Variants in MCTP1 observed in about 807,000 individuals in gnomAD.
The protein encoded by MCTP1 is multiple C2 and transmembrane domain containing 1.
MCTP1 carries 69 observed loss-of-function variants against 120.6 expected under a neutral mutation model. The ratio of observed to expected loss-of-function variants is 0.57; its 90% confidence interval spans 0.47 to 0.70. The LOEUF (loss-of-function observed/expected upper bound fraction) is 0.70, where lower values mean the gene tolerates loss of function less well. Ranked by LOEUF, MCTP1 falls within the 30% of genes least tolerant of loss-of-function variation. The probability of loss-of-function intolerance (pLI) is 0.00; values close to 1 mark genes in which losing one functional copy is unlikely to be tolerated. For synonymous variants in MCTP1, 529 were observed against 493.1 expected (o/e 1.07, Z -0.96); for missense variants, 1,203 against 1,248.8 (o/e 0.96, Z 0.55).
rs143892858 is a variant in MCTP1 at position 95,153,820 on chromosome 5, C to A, written c.720+130036G>T. Among the ~76,000 whole-genome samples the A allele has an allele frequency of 1.8e-3, 279 of 152,240 alleles. 2 individuals are homozygous for A. Among genetic ancestry groups the A allele is most frequent in the African/African-American group, 6.4e-3 (266 of 41,538 alleles). ...CAAGAATGTCTGCAGAATTCTGAAG[C>A]CTCATTAGGAGCAGTCGTTGTTTTT... On this transcript the variant is annotated intron_variant, in intron 1 of 22. Transcript: ENST00000515393.
chr5:94,973,709 C>T (rs1000697693), intron 2 of MCTP1, among the ~76,000 whole-genome samples: 7 of 152,146 alleles, frequency 4.6e-5, no homozygotes, highest in South Asian at 2.1e-4. Context: ...AATAAAATTG[C>T]TTAATGGTGC....
chr5:95,006,521 T>A (rs1834797794), intron 2 of MCTP1, among the ~76,000 whole-genome samples: 1 of 152,194 alleles, frequency 6.6e-6, no homozygotes, highest in South Asian at 2.1e-4. Flanking sequence ...GTGTCTGTAC[T>A]GGGTAAAACA....
intron 11 of MCTP1, 65 bp from the exon 12 acceptor site, chr5:94,889,037 G>T: frequency 9.5e-7 from 1 of 1,050,086 alleles, no homozygotes; most frequent in Non-Finnish European, 1.5e-6. Flanking sequence ...AGTGTGCTGA[G>T]AAAACATTAC....
chr5:94,993,093 T>C (rs1831928700), intron 2 of MCTP1, among the ~76,000 whole-genome samples: 1 of 152,216 alleles, frequency 6.6e-6, no homozygotes, highest in Non-Finnish European at 1.5e-5. Flanking sequence ...CTAGGATTTA[T>C]TTTCAGATAA....
intron 19 of MCTP1, among the ~76,000 whole-genome samples, chr5:94,744,028 T>G (rs748381093): frequency 1.3e-5 from 2 of 152,180 alleles, no homozygotes; most frequent in Non-Finnish European, 2.9e-5. Flanking sequence ...TGGAGTGCAG[T>G]GGCACCATCA....
At chr5:94,718,397 A>G (rs191850118) in intron 19 of MCTP1, among the ~76,000 whole-genome samples, 77 of 152,264 alleles carry the variant, frequency 5.1e-4, no homozygotes, top group African/African-American at 1.8e-3. Flanking sequence ...AACTATAAAA[A>G]CCCTAGAAGA....
intron 1 of MCTP1, among the ~76,000 whole-genome samples, chr5:95,264,644 C>T (rs1334423144): frequency 6.6e-6 from 1 of 152,140 alleles, no homozygotes; most frequent in East Asian, 1.9e-4. Context: ...GATTGAATGC[C>T]CCTCACTTCT....
In MCTP1 at chr5:94,704,188, CA is replaced by C. The variant is rs1754043111; in HGVS notation, c.*3307del. The C allele has an allele frequency of 3.0e-5, 1 of 33,380 alleles. No homozygotes were observed. Among genetic ancestry groups the C allele is most frequent in the Admixed American group, 2.6e-4 (1 of 3,868 alleles). 2.1% of individuals were successfully genotyped at this position (33,380 alleles called of 1,614,324 possible). A position where few individuals can be genotyped will look rare whatever the true frequency, so the allele number is the denominator to read the frequency against. On this transcript the variant is annotated 3_prime_UTR_variant, in exon 23 of 23. Transcript: ENST00000515393. ...TACCCTAATCAAACCAACGAATAGACATCATCTGTACACTCACTCACACTAG... is the reference window on the plus strand; with the variant it reads ...TACCCTAATCAAACCAACGAATAGACTCATCTGTACACTCACTCACACTAG...
chr5:95,191,677 A>G (rs1749841302), intron 1 of MCTP1, among the ~76,000 whole-genome samples: 1 of 151,962 alleles, frequency 6.6e-6, no homozygotes, highest in Non-Finnish European at 1.5e-5. Context: ...TTCCTCTACT[A>G]TTCTTTCTCA....
intron 2 of MCTP1, 63 bp from the exon 3 acceptor site, chr5:94,953,424 C>T (rs1483880897): frequency 1.5e-6 from 2 of 1,301,026 alleles, no homozygotes; most frequent in Non-Finnish European, 2.0e-6. Flanking sequence ...GAGAACCACT[C>T]TTTTGAAACA....
At position 95,021,260 on chromosome 5, in the gene MCTP1, T is replaced by C. The variant is rs747195337; in HGVS notation, c.721-3776A>G. ...AAAATATTGCCTGGCTGGTTTGTTATTTACTACTGGGTGAAAAAATAAAAA... is the reference window on the plus strand; with the variant it reads ...AAAATATTGCCTGGCTGGTTTGTTACTTACTACTGGGTGAAAAAATAAAAA... On this transcript the variant is annotated intron_variant, in intron 1 of 22. Coordinates refer to ENST00000515393, the MANE Select transcript of MCTP1 (RefSeq NM_024717.7). Among the ~76,000 whole-genome samples the C allele has an allele frequency of 8.5e-5, 13 of 152,132 alleles. No individual in the cohort carries two copies. The East Asian group carries it at 1.5e-3, about 18-fold the overall frequency.
intron 6 of MCTP1, 41 bp from the exon 7 acceptor site, chr5:94,924,062 T>C (rs1812387297): frequency 8.5e-7 from 1 of 1,175,602 alleles, no homozygotes; most frequent in Admixed American, 2.8e-5. Flanking sequence ...TGAGATGTTT[T>C]TGAGAATAAT....
At chr5:95,246,196 A>G (rs1756760976) in intron 1 of MCTP1, among the ~76,000 whole-genome samples, 1 of 152,340 alleles carries the variant, frequency 6.6e-6, no homozygotes, top group East Asian at 1.9e-4. Flanking sequence ...ATGGAAAGGA[A>G]TAACTAGTAC....
intron 17 of MCTP1, among the ~76,000 whole-genome samples, chr5:94,829,468 C>G (rs1788039938): frequency 6.6e-6 from 1 of 152,222 alleles, no homozygotes; most frequent in Non-Finnish European, 1.5e-5. Context: ...ACCGCAATTA[C>G]TTTTGCACCA....
chr5:94,836,850 A>G (rs1304196571), intron 17 of MCTP1, among the ~76,000 whole-genome samples: 1 of 152,236 alleles, frequency 6.6e-6, no homozygotes, highest in Non-Finnish European at 1.5e-5. Context: ...TTATGGGGCC[A>G]TATGTGTCCC....
chr5:95,125,314 C>G (rs944458283), intron 1 of MCTP1, among the ~76,000 whole-genome samples: 2 of 152,144 alleles, frequency 1.3e-5, no homozygotes, highest in African/African-American at 4.8e-5. Flanking sequence ...TTTGGTGGAA[C>G]AATTTTAAAC....
At chr5:94,784,380 A>AT (rs1272726987) in intron 18 of MCTP1, among the ~76,000 whole-genome samples, 1 of 152,126 alleles carries the variant, frequency 6.6e-6, no homozygotes, top group Non-Finnish European at 1.5e-5. Context: ...GAAGACGCAT[A>AT]TAATCACTCA....
intron 12 of MCTP1, among the ~76,000 whole-genome samples, chr5:94,886,555 C>G (rs1801384824): frequency 6.6e-6 from 1 of 152,186 alleles, no homozygotes; most frequent in Non-Finnish European, 1.5e-5. Context: ...GTGTATCTTA[C>G]AGTAACAGGC....
At chr5:95,160,449 A>C (rs1268666539) in intron 1 of MCTP1, among the ~76,000 whole-genome samples, 1 of 152,098 alleles carries the variant, frequency 6.6e-6, no homozygotes, top group Non-Finnish European at 1.5e-5. Context: ...GCCATGTTCT[A>C]GGCACTGTTT....
Sources: gnomAD v4.1 joint callset for allele counts (sites outside exome capture counted in the v4.1 genomes callset) on GRCh38, gnomAD v4.1.1 for gene constraint, MANE v1.5 for transcripts, NCBI Gene and HGNC (gene_info 2026-07-23, HGNC 2026-07-21) for gene names.